Variants in ACBD5 observed in about 807,000 individuals in gnomAD.
The protein encoded by ACBD5 is acyl-CoA-binding domain-containing protein 5.
A neutral mutation model predicts 71.8 loss-of-function variants in ACBD5; 40 were observed. The ratio of observed to expected loss-of-function variants is 0.56; its 90% CI spans 0.43 to 0.72. The LOEUF is 0.72. Among genes scored for constraint, ACBD5 ranks in the 30% least tolerant of loss-of-function variants. ACBD5 has a pLI of 0.00. For missense variants in ACBD5, 559 were observed against 644.5 expected, an observed-to-expected ratio of 0.87 and a Z score of 1.44; for synonymous variants, 229 against 218.6, an observed-to-expected ratio of 1.05 and a Z score of -0.42.
intron 8 of ACBD5, among the ~76,000 whole-genome samples, chr10:27,214,216 AG>A (rs1451493400): frequency 6.6e-6 from 1 of 152,210 alleles, no homozygotes; most frequent in Non-Finnish European, 1.5e-5. Flanking sequence ...TGTACATTTT[AG>A]AATAACTGAG....
chr10:27,213,848 T>C (rs1248205009), intron 8 of ACBD5, among the ~76,000 whole-genome samples: 3 of 152,052 alleles, frequency 2.0e-5, no homozygotes, highest in Non-Finnish European at 4.4e-5. Context: ...AATCAATATA[T>C]TGAAGAGATA....
intron 4 of ACBD5, among the ~76,000 whole-genome samples, chr10:27,229,696 C>T (rs1251890076): frequency 6.6e-6 from 1 of 152,100 alleles, no homozygotes; most frequent in Non-Finnish European, 1.5e-5. Flanking sequence ...TAGAAACACG[C>T]AATTTTATTA....
chr10:27,212,618 GC>G (rs1422627472), intron 8 of ACBD5, among the ~76,000 whole-genome samples: 1 of 136,468 alleles, frequency 7.3e-6, no homozygotes, highest in Non-Finnish European at 1.5e-5. Context: ...TGGCTTTATA[GC>G]CCAGGCTGGA....
chr10:27,233,246 G>A (rs1307204671), intron 3 of ACBD5, among the ~76,000 whole-genome samples: 1 of 152,086 alleles, frequency 6.6e-6, no homozygotes, highest in East Asian at 1.9e-4. Flanking sequence ...GGCCAACATG[G>A]TGAAATTCTG....
At chr10:27,225,939 T>C (rs774770367) in intron 4 of ACBD5, among the ~76,000 whole-genome samples, 1 of 152,110 alleles carries the variant, frequency 6.6e-6, no homozygotes, top group African/African-American at 2.4e-5. Context: ...TTAAGGCTAC[T>C]AAATTCGGCA....
At chr10:27,233,009 G>C (rs2064103222) in intron 3 of ACBD5, among the ~76,000 whole-genome samples, 1 of 152,060 alleles carries the variant, frequency 6.6e-6, no homozygotes, top group Non-Finnish European at 1.5e-5. Context: ...CTGTTATTTT[G>C]TGACAATTCA....
intron 4 of ACBD5, among the ~76,000 whole-genome samples, chr10:27,226,612 C>A (rs1262990390): frequency 1.3e-5 from 2 of 151,222 alleles, no homozygotes; most frequent in African/African-American, 4.9e-5. Flanking sequence ...GCTTTAAATA[C>A]CCAACACAAA....
intron 2 of ACBD5, among the ~76,000 whole-genome samples, chr10:27,239,095 G>A (rs573429124): frequency 1.3e-5 from 2 of 152,190 alleles, no homozygotes; most frequent in Non-Finnish European, 2.9e-5. Flanking sequence ...TGCTGGGTAA[G>A]CTGAGGCAGA....
rs11346187 is a variant in ACBD5, at chr10:27,204,138, C to CAAA, written c.1565+299_1565+301dup. ...TGGGCAACAAAACGGGACCCAGTCT[C>CAAA]AAAAAAAAAAAAAAAAAAAAAAAAA... On this transcript the variant is annotated intron_variant, in intron 12 of 12. Coordinates refer to ENST00000396271, the MANE Select transcript of ACBD5 (RefSeq NM_145698.5). Among the ~76,000 whole-genome samples the CAAA allele has an allele frequency of 1.6e-3, 71 of 45,748 alleles. 2 individuals are homozygous for CAAA. The highest frequency in any genetic ancestry group is 2.4e-3 in the Non-Finnish European group (64 of 27,188). The allele number at this position is 45,748 out of a possible 152,430, so 30.0% of individuals were successfully genotyped here.
At chr10:27,208,167 T>C in intron 10 of ACBD5, 79 bp downstream of exon 10, 1 of 1,373,412 alleles carries the variant, frequency 7.3e-7, no homozygotes, top group Non-Finnish European at 1.0e-6. Context: ...TTAATTTATG[T>C]CAATATGATC....
At chr10:27,201,186 G>A (rs945264447) in intron 12 of ACBD5, among the ~76,000 whole-genome samples, 2 of 152,134 alleles carry the variant, frequency 1.3e-5, no homozygotes, top group Admixed American at 1.3e-4. Context: ...AATAAACAAA[G>A]TAATAGTTTA....
upstream of ACBD5, among the ~76,000 whole-genome samples, chr10:27,241,784 G>C (rs532067854): frequency 6.6e-6 from 1 of 152,242 alleles, no homozygotes; most frequent in Admixed American, 6.5e-5. Context: ...GTCTTTACGG[G>C]TCGTCAACCC....
At chr10:27,214,616 T>G (rs1006953587) in intron 8 of ACBD5, among the ~76,000 whole-genome samples, 2 of 152,248 alleles carry the variant, frequency 1.3e-5, no homozygotes, top group African/African-American at 4.8e-5. Context: ...AAAGGATTCA[T>G]GGATGTCCTA....
At chr10:27,216,888 T>C (rs1007913762) in intron 7 of ACBD5, among the ~76,000 whole-genome samples, 2 of 152,006 alleles carry the variant, frequency 1.3e-5, no homozygotes, top group Non-Finnish European at 2.9e-5. Context: ...GGCTCACGCC[T>C]GTAATCTCAG....
chr10:27,204,587 A>G (rs1197448118), intron 11 of ACBD5, 38 bp from the exon 12 acceptor site: 1 of 1,423,328 alleles, frequency 7.0e-7, no homozygotes, highest in South Asian at 1.2e-5. Context: ...AATCTATTCA[A>G]TACTGCATGT....
intron 10 of ACBD5, among the ~76,000 whole-genome samples, chr10:27,205,486 C>A (rs960970557): frequency 1.3e-5 from 2 of 152,138 alleles, no homozygotes; most frequent in Admixed American, 1.3e-4. Flanking sequence ...CCTAAAACAG[C>A]AAGCCAAACA....
Position 27,195,830 on chromosome 10 carries a change from G to A in ACBD5, c.*1600C>T. On this transcript the variant is annotated 3_prime_UTR_variant, in exon 13 of 13. Coordinates refer to ENST00000396271, the MANE Select transcript of ACBD5 (RefSeq NM_145698.5). ...ACAAAGAACCATTCTGTATACTAAA[G>A]ACAGATTATTTCTTATTTAAAACAC... The A allele has an allele frequency of 2.3e-6, 1 of 444,014 alleles. No individual in the cohort carries two copies. Among genetic ancestry groups the A allele is most frequent in the South Asian group, 1.6e-5 (1 of 61,968 alleles). The allele number at this position is 444,014 out of a possible 1,614,324, so 27.5% of individuals were successfully genotyped here. A position where few individuals can be genotyped will look rare whatever the true frequency, so the allele number is the denominator to read the frequency against.
Position 27,210,836 on chromosome 10 carries a change from G to T in ACBD5, c.1182C>A (p.Phe394Leu), listed in dbSNP as rs775919799. The T allele has an allele frequency of 5.0e-6, 8 of 1,614,042 alleles. No individual in the cohort carries two copies. The highest frequency in any genetic ancestry group is 5.9e-6 in the Non-Finnish European group (7 of 1,180,032). ...CACCTCTTCCTCTTCTAACATTAGA[G>T]AATTCGTCAGTTTCTCCGCCTCGCT... ...REKRGGETDE[F>L]SNVRRGRGHR... The change falls in exon 9 of 13, where the codon TTC becomes TTA. Residue 394 changes from phenylalanine (F) to leucine (L), a missense_variant. Coordinates refer to ENST00000396271, the MANE Select transcript of ACBD5 (RefSeq NM_145698.5).
At chr10:27,218,296 G>C (rs1191626315) in intron 6 of ACBD5, 113 bp from the exon 7 acceptor site, 1 of 887,078 alleles carries the variant, frequency 1.1e-6, no homozygotes, top group Non-Finnish European at 1.8e-6. Flanking sequence ...CCCTTTGAAG[G>C]GTTTCCTACT....
Sources: allele counts gnomAD v4.1 joint callset (sites outside exome capture counted in the v4.1 genomes callset), GRCh38; gene constraint gnomAD v4.1.1; transcripts MANE v1.5; gene names NCBI Gene and HGNC (gene_info 2026-07-23, HGNC 2026-07-21).